EGFLAM: variants seen among roughly 807,000 people sequenced by gnomAD.
The protein encoded by EGFLAM is pikachurin.
In EGFLAM, 79 loss-of-function variants were observed where a neutral mutation model predicts 113.1. The observed-to-expected ratio is 0.70, with a 90% CI of 0.58 to 0.84. EGFLAM has a LOEUF of 0.84. Among genes scored for constraint, EGFLAM ranks in the 40% least tolerant of loss-of-function variants. EGFLAM has a pLI of 0.00. For synonymous variants in EGFLAM, 504 were observed against 487.6 expected, an observed-to-expected ratio of 1.03 and a Z score of -0.44; for missense variants, 1,265 against 1,291.6, an observed-to-expected ratio of 0.98 and a Z score of 0.32.
At chr5:38,322,853 C>T (rs1008460404) in intron 1 of EGFLAM, among the ~76,000 whole-genome samples, 11 of 152,268 alleles carry the variant, frequency 7.2e-5, no homozygotes, top group African/African-American at 2.4e-4. Flanking sequence ...CTTCCTGCTG[C>T]TCCTTAGTGA....
chr5:38,465,297 A>T lies in EGFLAM; in HGVS notation c.*1311A>T, dbSNP rs1459775862. 2.4e-4 allele frequency among the ~76,000 whole-genome samples: 37 copies of T among 152,334 alleles called. No homozygotes were observed. The highest frequency in any genetic ancestry group is 5.9e-5 in the Non-Finnish European group (4 of 68,030). On this transcript the variant is annotated 3_prime_UTR_variant, in exon 22 of 22. Transcript: ENST00000322350. ...GACTTACTAAGGGAAAGGTGAGATG[A>T]ACACTGCCCCCAAGGAGGGGGTGAA...
At chr5:38,359,676 C>T (rs548748786) in intron 5 of EGFLAM, among the ~76,000 whole-genome samples, 1 of 152,184 alleles carries the variant, frequency 6.6e-6, no homozygotes, top group Non-Finnish European at 1.5e-5. Flanking sequence ...CTCTCTCAAA[C>T]ACACACACAC....
chr5:38,419,683 C>T (rs543071232), intron 12 of EGFLAM, among the ~76,000 whole-genome samples: 1 of 152,270 alleles, frequency 6.6e-6, no homozygotes, highest in African/African-American at 2.4e-5. Context: ...TTACTTTGAT[C>T]TTTCCAAGGT....
chr5:38,378,512 A>G (rs1740424713), intron 6 of EGFLAM, among the ~76,000 whole-genome samples: 1 of 152,242 alleles, frequency 6.6e-6, no homozygotes, highest in Non-Finnish European at 1.5e-5. Flanking sequence ...TGGAGACAGA[A>G]GGTAGTGGCA....
chr5:38,401,503 G>C (rs1741111850), intron 6 of EGFLAM, among the ~76,000 whole-genome samples: 1 of 152,158 alleles, frequency 6.6e-6, no homozygotes, highest in Admixed American at 6.5e-5. Flanking sequence ...ATGGTGTTTA[G>C]ATCTCTTTCC....
chr5:38,334,707 G>A (rs1022510231), intron 1 of EGFLAM, among the ~76,000 whole-genome samples: 77 of 152,062 alleles, frequency 5.1e-4, no homozygotes, highest in African/African-American at 1.8e-3. Flanking sequence ...CATTCTCTGA[G>A]CAAAAATTCT....
In EGFLAM at chr5:38,425,507, AT is replaced by A. The variant is rs571825045; in HGVS notation, c.1810+420del. 1.1e-4 allele frequency among the ~76,000 whole-genome samples: 16 copies of A among 152,194 alleles called. No individual in the cohort carries two copies. In the South Asian group the frequency reaches 3.3e-3, roughly 32 times the overall value. On this transcript the variant is annotated intron_variant, in intron 13 of 21. Transcript: ENST00000322350. ...TAACAAATCTAACAAAGCCCCATACATTTTTATGGGATCAACATTGCTTTGT... is the reference window on the plus strand; with the variant it reads ...TAACAAATCTAACAAAGCCCCATACATTTTATGGGATCAACATTGCTTTGT...
chr5:38,383,866 C>G (rs1275645855), intron 6 of EGFLAM, among the ~76,000 whole-genome samples: 2 of 151,734 alleles, frequency 1.3e-5, no homozygotes, highest in Non-Finnish European at 2.9e-5. Flanking sequence ...GGGGTGACAG[C>G]CCACAGGACA....
chr5:38,319,037 C>A (rs980186993), intron 1 of EGFLAM, among the ~76,000 whole-genome samples: 74 of 152,272 alleles, frequency 4.9e-4, no homozygotes, highest in African/African-American at 1.7e-3. Context: ...ATGCTCCAGG[C>A]TCATGAGATG....
At chr5:38,310,681 A>G (rs762916681) in intron 1 of EGFLAM, among the ~76,000 whole-genome samples, 7 of 152,074 alleles carry the variant, frequency 4.6e-5, no homozygotes, top group African/African-American at 9.7e-5. Context: ...GCCATTATCC[A>G]TATGTACCCT....
intron 17 of EGFLAM, among the ~76,000 whole-genome samples, chr5:38,443,513 C>A (rs1324127965): frequency 6.6e-6 from 1 of 152,074 alleles, no homozygotes; most frequent in Admixed American, 6.5e-5. Context: ...GTTTGTTTTT[C>A]CTTTGTGGCT....
chr5:38,347,458 A>C (rs1442203009), intron 3 of EGFLAM, among the ~76,000 whole-genome samples: 1 of 152,150 alleles, frequency 6.6e-6, no homozygotes, highest in Non-Finnish European at 1.5e-5. Flanking sequence ...CAAGGACACC[A>C]GGGCAGCCTA....
chr5:38,318,170 G>A (rs1470789814), intron 1 of EGFLAM, among the ~76,000 whole-genome samples: 2 of 151,738 alleles, frequency 1.3e-5, no homozygotes, highest in Non-Finnish European at 2.9e-5. Flanking sequence ...GAAAGAAAGA[G>A]GACCCTCATT....
Position 38,406,188 on chromosome 5 carries a change from G to A in EGFLAM, c.775G>A (p.Glu259Lys), listed in dbSNP as rs868864921. The A allele has an allele frequency of 1.9e-6, 3 of 1,614,090 alleles. No individual in the cohort carries two copies. Among genetic ancestry groups the A allele is most frequent in the African/African-American group, 2.7e-5 (2 of 74,936 alleles). ...TTATATCACCGACATGGGAGCTGGT[G>A]AGGATGATGAAGGATTTGAAGACGA... is the stretch of plus-strand genomic sequence containing the variant. ...PRYITDMGAG[E>K]DDEGFEDDLD... Residue 259 changes from glutamate (E) to lysine (K), a missense_variant, in exon 7 of 22, where the codon GAG becomes AAG. By Grantham distance (56) the Glu-to-Lys change is moderately conservative. Transcript: ENST00000322350.
intron 6 of EGFLAM, among the ~76,000 whole-genome samples, chr5:38,374,345 C>T (rs538224461): frequency 1.6e-4 from 24 of 152,136 alleles, no homozygotes; most frequent in Non-Finnish European, 2.5e-4. Flanking sequence ...CCTGAGCATT[C>T]GGGGATCAGA....
Position 38,431,331 on chromosome 5 carries a change from A to G in EGFLAM, c.2166+43A>G, listed in dbSNP as rs779278489. On this transcript the variant is annotated intron_variant, in intron 15 of 21. Coordinates refer to ENST00000322350, the MANE Select transcript of EGFLAM (RefSeq NM_152403.4). Reference sequence around the variant, plus strand: ...TTTCTCTTGATGGTTAGTGTGAGCCAGATTACTGTTTTCTGCCTGTCTTGG... The same window carrying G: ...TTTCTCTTGATGGTTAGTGTGAGCCGGATTACTGTTTTCTGCCTGTCTTGG... 4 of 1,583,592 alleles carry G rather than the reference A, an allele frequency of 2.5e-6. No individual in the cohort carries two copies. In the Admixed American group the frequency reaches 6.8e-5, roughly 27 times the overall value.
chr5:38,333,151 A>T (rs1387843601), intron 1 of EGFLAM, among the ~76,000 whole-genome samples: 1 of 152,198 alleles, frequency 6.6e-6, no homozygotes, highest in Non-Finnish European at 1.5e-5. Flanking sequence ...CTATGGCTGC[A>T]TAATATTCCA....
intron 1 of EGFLAM, among the ~76,000 whole-genome samples, chr5:38,320,845 A>T (rs1561276865): frequency 6.6e-6 from 1 of 152,122 alleles, no homozygotes; most frequent in African/African-American, 2.4e-5. Context: ...TACCCCTAAT[A>T]TGAATTCTTA....
At chr5:38,323,787 G>A (rs1265512510) in intron 1 of EGFLAM, among the ~76,000 whole-genome samples, 6 of 152,028 alleles carry the variant, frequency 3.9e-5, no homozygotes, top group Admixed American at 3.9e-4. Flanking sequence ...AGTGGCTCAT[G>A]TCTGTAATCG....
Sources: gnomAD v4.1 joint callset for allele counts (sites outside exome capture counted in the v4.1 genomes callset) on GRCh38, gnomAD v4.1.1 for gene constraint, MANE v1.5 for transcripts, NCBI Gene and HGNC (gene_info 2026-07-23, HGNC 2026-07-21) for gene names.